ABLIM1: variants seen among roughly 807,000 people sequenced by gnomAD.
The protein encoded by ABLIM1 is actin binding LIM protein 1.
A neutral mutation model predicts 107.0 loss-of-function variants in ABLIM1; 40 were observed. That is an observed-to-expected ratio of 0.37 (90% CI 0.29 to 0.49). The LOEUF is 0.49. ABLIM1 is among the 20% of genes least tolerant of loss of function. ABLIM1 has a pLI of 0.97. For missense variants in ABLIM1, 857 were observed against 1,008.5 expected, an observed-to-expected ratio of 0.85 and a Z score of 2.04; for synonymous variants, 357 against 357.3, an observed-to-expected ratio of 1.00 and a Z score of 0.01.
intron 1 of ABLIM1, among the ~76,000 whole-genome samples, chr10:114,681,112 T>C (rs1458046219): frequency 6.6e-6 from 1 of 152,194 alleles, no homozygotes; most frequent in Non-Finnish European, 1.5e-5. Context: ...TGCAGGTACA[T>C]TTAGCTAGTC....
At chr10:114,642,902 G>A (rs2078814800) in intron 1 of ABLIM1, among the ~76,000 whole-genome samples, 1 of 152,242 alleles carries the variant, frequency 6.6e-6, no homozygotes, top group Non-Finnish European at 1.5e-5. Flanking sequence ...ATGTCTTGAG[G>A]GAAAGAAAGA....
intron 7 of ABLIM1, 70 bp downstream of exon 7, chr10:114,491,721 T>A: frequency 1.4e-6 from 2 of 1,449,896 alleles, no homozygotes; most frequent in Non-Finnish European, 1.9e-6. Context: ...CTAAAAACAA[T>A]CAAACAAACA....
At chr10:114,675,122 C>G (rs909563847) in intron 1 of ABLIM1, among the ~76,000 whole-genome samples, 1 of 152,152 alleles carries the variant, frequency 6.6e-6, no homozygotes, top group African/African-American at 2.4e-5. Context: ...ATGTTCCATT[C>G]ACCCTATGTC....
At chr10:114,781,553 T>C in the ABLIM1 span, among the ~76,000 whole-genome samples, 6 of 26,202 alleles carry the variant, frequency 2.3e-4, no homozygotes, top group African/African-American at 4.5e-4. Context: ...TATCTATATA[T>C]GTGTGTGTGT....
chr10:114,785,990 A>T, the ABLIM1 span, among the ~76,000 whole-genome samples: 1 of 152,198 alleles, frequency 6.6e-6, no homozygotes, highest in Non-Finnish European at 1.5e-5. Flanking sequence ...TAGCCTCCCA[A>T]AGTGCTGGGA....
chr10:114,673,266 A>C (rs942606159), intron 1 of ABLIM1, among the ~76,000 whole-genome samples: 3 of 151,898 alleles, frequency 2.0e-5, no homozygotes, highest in African/African-American at 7.3e-5. Flanking sequence ...TAAAAAAAAA[A>C]AAAACAAAAA....
chr10:114,736,502 T>C (rs1450031525), intron 1 of ABLIM1, among the ~76,000 whole-genome samples: 2 of 152,212 alleles, frequency 1.3e-5, no homozygotes, highest in African/African-American at 4.8e-5. Flanking sequence ...TTTACCATTG[T>C]TTAAAAATAA....
At chr10:114,728,636 C>A (rs1341997815) in intron 1 of ABLIM1, among the ~76,000 whole-genome samples, 1 of 149,026 alleles carries the variant, frequency 6.7e-6, no homozygotes, top group Non-Finnish European at 1.5e-5. Context: ...GCTGTGGATG[C>A]TTTTATATTA....
At chr10:114,705,545 C>A (rs1236339672) in intron 1 of ABLIM1, among the ~76,000 whole-genome samples, 2 of 151,998 alleles carry the variant, frequency 1.3e-5, no homozygotes, top group African/African-American at 4.8e-5. Flanking sequence ...ATGAAGGAAA[C>A]GGGAAATGGA....
chr10:114,557,891 C>A (rs1228426069), intron 4 of ABLIM1, among the ~76,000 whole-genome samples: 1 of 150,490 alleles, frequency 6.6e-6, no homozygotes, highest in African/African-American at 2.4e-5. Context: ...CCCATCCAGA[C>A]AATGAGATGC....
chr10:114,618,108 C>A (rs1325045370), intron 1 of ABLIM1, among the ~76,000 whole-genome samples: 1 of 152,220 alleles, frequency 6.6e-6, no homozygotes, highest in African/African-American at 2.4e-5. Flanking sequence ...TCATTAGCTA[C>A]TGACATCCTG....
Position 114,463,083 on chromosome 10 carries a change from T to C in ABLIM1, c.1441+2615A>G, listed in dbSNP as rs146969581. 71 of 1,340,564 alleles carry C rather than the reference T, an allele frequency of 5.3e-5. No homozygotes were observed. In the East Asian group the frequency reaches 3.1e-3, roughly 58 times the overall value. The allele number at this position is 1,340,564 out of a possible 1,614,324, so 83.0% of individuals were successfully genotyped here. A position where few individuals can be genotyped will look rare whatever the true frequency, so the allele number is the denominator to read the frequency against. On this transcript the variant is annotated intron_variant, in intron 12 of 22. Coordinates refer to ENST00000533213, the MANE Select transcript of ABLIM1 (RefSeq NM_002313.7). Reference sequence around the variant, plus strand: ...AATGAAGTGGTGTCGGAAAGGGGGGTTGGGGCGGGAGTCGCTGTGGGTGGG... The same window carrying C: ...AATGAAGTGGTGTCGGAAAGGGGGGCTGGGGCGGGAGTCGCTGTGGGTGGG...
chr10:114,534,037 CAAG>C (rs956304601), intron 6 of ABLIM1, among the ~76,000 whole-genome samples: 1 of 152,286 alleles, frequency 6.6e-6, no homozygotes, highest in African/African-American at 2.4e-5. Context: ...TCTGCTCCCC[CAAG>C]AGAAGGTCAT....
Position 114,552,948 on chromosome 10 carries a change from G to A in ABLIM1, c.674-5172C>T, listed in dbSNP as rs188897278. 1.9e-3 allele frequency among the ~76,000 whole-genome samples: 286 copies of A among 152,294 alleles called. 2 individuals carry two copies. The highest frequency in any genetic ancestry group is 6.6e-3 in the African/African-American group (276 of 41,564). On this transcript the variant is annotated intron_variant, in intron 4 of 22. Coordinates refer to ENST00000533213, the MANE Select transcript of ABLIM1 (RefSeq NM_002313.7). ...AGCACTTCAGTGCTCAGACATCCCA[G>A]AGCTATGAAAGAAGCAAAGACACAA...
intron 2 of ABLIM1, among the ~76,000 whole-genome samples, chr10:114,580,216 T>C (rs927217516): frequency 6.7e-6 from 1 of 148,250 alleles, no homozygotes; most frequent in African/African-American, 2.5e-5. Flanking sequence ...TATATATATA[T>C]ATATTTTTTA....
chr10:114,669,467 T>C (rs2080162687), intron 1 of ABLIM1, among the ~76,000 whole-genome samples: 1 of 152,206 alleles, frequency 6.6e-6, no homozygotes, highest in Admixed American at 6.5e-5. Flanking sequence ...CAGGGAATAT[T>C]ACCCCTTTCA....
upstream of ABLIM1, among the ~76,000 whole-genome samples, chr10:114,771,604 A>G (rs1486881255): frequency 2.0e-5 from 3 of 152,200 alleles, no homozygotes. Flanking sequence ...CAATTCTTCC[A>G]ATCATACAGC....
intron 1 of ABLIM1, among the ~76,000 whole-genome samples, chr10:114,612,008 C>T (rs1330240772): frequency 6.6e-6 from 1 of 152,190 alleles, no homozygotes; most frequent in Non-Finnish European, 1.5e-5. Flanking sequence ...ATGCCTCAAC[C>T]TCCCTGAGAC....
chr10:114,436,618 T>G (rs2059436020), intron 22 of ABLIM1, among the ~76,000 whole-genome samples: 1 of 152,184 alleles, frequency 6.6e-6, no homozygotes, highest in Non-Finnish European at 1.5e-5. Context: ...TAACACTGAC[T>G]GGTGATGGGA....
Sources: allele counts gnomAD v4.1 joint callset (sites outside exome capture counted in the v4.1 genomes callset), GRCh38; gene constraint gnomAD v4.1.1; transcripts MANE v1.5; gene names NCBI Gene and HGNC (gene_info 2026-07-23, HGNC 2026-07-21).